TGM1: variants seen among roughly 807,000 people sequenced by gnomAD.
TGM1 encodes protein-glutamine gamma-glutamyltransferase K.
TGM1 carries 63 observed loss-of-function variants against 88.7 expected under a neutral mutation model. That is an observed-to-expected ratio of 0.71 (90% confidence interval 0.58 to 0.88). The LOEUF (loss-of-function observed/expected upper bound fraction) is 0.88. Ranked by LOEUF, TGM1 falls within the 40% of genes least tolerant of loss-of-function variation. The probability of loss-of-function intolerance (pLI) is 0.00; values close to 1 mark genes in which losing one functional copy is unlikely to be tolerated. For missense variants in TGM1, 996 were observed against 1,118.0 expected, an observed-to-expected ratio of 0.89 and a Z score of 1.56; for synonymous variants, 415 against 431.1, an observed-to-expected ratio of 0.96 and a Z score of 0.46.
chr14:24,262,590 C>G (rs900094813), intron 1 of TGM1, among the ~76,000 whole-genome samples: 24 of 152,166 alleles, frequency 1.6e-4, no homozygotes, highest in Admixed American at 1.6e-3. Flanking sequence ...AAACAACATC[C>G]GAAAAACTGC....
At chr14:24,258,930 A>G in intron 7 of TGM1, 145 bp downstream of exon 7, 1 of 968,926 alleles carries the variant, frequency 1.0e-6, no homozygotes, top group Non-Finnish European at 1.6e-6. Context: ...TGTTAACACT[A>G]ATTAATGATA....
chr14:24,255,288 C>A lies in TGM1; in HGVS notation c.1646-35G>T, dbSNP rs534139555. 86 of 1,614,162 alleles carry A rather than the reference C, an allele frequency of 5.3e-5. No homozygotes were observed. The South Asian group carries it at 9.2e-4, about 17-fold the overall frequency. On this transcript the variant is annotated intron_variant, in intron 11 of 14. Coordinates refer to ENST00000206765, the MANE Select transcript of TGM1 (RefSeq NM_000359.3). This position sits in a 1 kb window ranked among gnomAD's most constrained non-coding sequence, Gnocchi z 4.0. ...GAGGGTCAAGGGTGAGGTTCCAATTCCCACGTGGGTGGCCAAGCACTTGGC... is the reference window on the plus strand; with the variant it reads ...GAGGGTCAAGGGTGAGGTTCCAATTACCACGTGGGTGGCCAAGCACTTGGC...
At chr14:24,257,036 C>T (rs964551850) in intron 9 of TGM1, among the ~76,000 whole-genome samples, 2 of 152,216 alleles carry the variant, frequency 1.3e-5, no homozygotes, top group East Asian at 3.8e-4. Context: ...GGGATCAAGC[C>T]CCAGTCTGGC....
intron 4 of TGM1, 47 bp from the exon 5 acceptor site, chr14:24,260,105 T>C: frequency 3.9e-6 from 6 of 1,537,890 alleles, no homozygotes; most frequent in Non-Finnish European, 4.5e-6. Context: ...GTTCTCTCCC[T>C]GGGCCTCACC....
chr14:24,258,460 AG>A, intron 8 of TGM1, 72 bp from the exon 9 acceptor site: 1 of 869,308 alleles, frequency 1.2e-6, no homozygotes, highest in Non-Finnish European at 1.8e-6. Context: ...CAGCCTCCCC[AG>A]CCCTGCCCAC....
chr14:24,258,769 C>A, intron 7 of TGM1, 96 bp from the exon 8 acceptor site: 1 of 1,547,792 alleles, frequency 6.5e-7, no homozygotes, highest in African/African-American at 1.4e-5. Flanking sequence ...ACTAGGATTG[C>A]CAAGCTGGGC....
intron 14 of TGM1, among the ~76,000 whole-genome samples, chr14:24,253,534 G>A (rs2040718620): frequency 6.6e-6 from 1 of 152,182 alleles, no homozygotes; most frequent in Non-Finnish European, 1.5e-5. Context: ...CTGGAGTGCA[G>A]TGGCACAAAC....
At position 24,255,845 on chromosome 14, in the gene TGM1, G is replaced by A. The variant is rs2040746008; in HGVS notation, c.1491+144C>T. On this transcript the variant is annotated intron_variant, in intron 10 of 14. Coordinates refer to ENST00000206765, the MANE Select transcript of TGM1 (RefSeq NM_000359.3). The surrounding 1 kb of genome is among the most constrained non-coding windows in gnomAD (Gnocchi z 4.0). ...CGAGTATAGGAAGCAAGGCAGCCTT[G>A]ATTATCCCCTTTTACAGGTGAGGAA... The A allele has an allele frequency of 3.8e-6, 3 of 784,750 alleles. No homozygotes were observed. The highest frequency in any genetic ancestry group is 1.7e-5 in the African/African-American group (1 of 58,392). The allele number at this position is 784,750 out of a possible 1,614,324, so 48.6% of individuals were successfully genotyped here.
At chr14:24,253,446 C>CTG (rs368602780) in intron 14 of TGM1, among the ~76,000 whole-genome samples, 31 of 151,018 alleles carry the variant, frequency 2.1e-4, no homozygotes, top group South Asian at 1.7e-3. Context: ...GTGTGTGTCT[C>CTG]TGTGTGTGTG....
intron 14 of TGM1, among the ~76,000 whole-genome samples, chr14:24,249,984 G>A (rs764433452): frequency 1.1e-4 from 16 of 152,104 alleles, no homozygotes; most frequent in Non-Finnish European, 1.9e-4. Context: ...CAAGAGCATA[G>A]GTTGAAGAAA....
chr14:24,259,760 TC>T lies in TGM1; in HGVS notation c.927del (p.Met310CysfsTer20), dbSNP rs1442720229. On this transcript the variant is annotated frameshift_variant, in exon 6 of 15. Coordinates refer to ENST00000206765, the MANE Select transcript of TGM1 (RefSeq NM_000359.3). LOFTEE classifies it high-confidence loss of function. This position sits in a 1 kb window ranked among gnomAD's most constrained non-coding sequence, Gnocchi z 5.7. ...DACLYILDRR[G>X]MPYGGRGDPV... Reference sequence around the variant, plus strand: ...GGGTCTCCACGGCCTCCATATGGCATCCCCCGCCGGTCCAGGATGTATAAGC... The same window carrying T: ...GGGTCTCCACGGCCTCCATATGGCATCCCCGCCGGTCCAGGATGTATAAGC... 6.2e-7 allele frequency: 1 copy of T among 1,610,584 alleles called. No individual in the cohort carries two copies. The highest frequency in any genetic ancestry group is 8.5e-7 in the Non-Finnish European group (1 of 1,178,760).
rs1413403334 is a variant in TGM1 at position 24,262,123 on chromosome 14, G to A, written c.230C>T (p.Thr77Ile). 1 of 1,613,500 alleles carries A rather than the reference G, an allele frequency of 6.2e-7. No individual in the cohort carries two copies. Among genetic ancestry groups the A allele is most frequent in the African/African-American group, 1.3e-5 (1 of 74,918 alleles). ...TGAGCCCCGGGAGCCAGGTCTTCGA[G>A]TGCCAGAGCTGGACCCTCGACCCCT... is the stretch of plus-strand genomic sequence containing the variant. ...DSRGRGSSSG[T>I]RRPGSRGSDS... is the part of the protein sequence containing the mutation. The change falls in exon 2 of 15, where the codon ACT becomes ATT. Residue 77 changes from threonine to isoleucine, a missense_variant. By Grantham distance (89) the Thr-to-Ile change is moderately conservative (BLOSUM62 -1). Transcript: ENST00000206765.
In TGM1 at chr14:24,262,027, GC is replaced by G; in HGVS notation, c.319+6del. The G allele has an allele frequency of 6.2e-7, 1 of 1,613,262 alleles. No individual in the cohort carries two copies. Among genetic ancestry groups the G allele is most frequent in the Non-Finnish European group, 8.5e-7 (1 of 1,179,968 alleles). On this transcript the variant is annotated splice_donor_region_variant and intron_variant, in intron 2 of 14. Transcript: ENST00000206765. Reference sequence around the variant, plus strand: ...GCTCTCAGCTGAGGAGGACAGACCGGCCTCACCTCGGATGGTGCCATCTCCA... The same window carrying G: ...GCTCTCAGCTGAGGAGGACAGACCGGCTCACCTCGGATGGTGCCATCTCCA...
chr14:24,255,330 G>A lies in TGM1; in HGVS notation c.1645+34C>T, dbSNP rs370147719. 86 of 1,614,206 alleles carry A rather than the reference G, an allele frequency of 5.3e-5. 1 individual carries two copies. The African/African-American group carries it at 9.7e-4, about 18-fold the overall frequency. ...GCACTTGGCAGGAACACTTGTTGTG[G>A]GGCCCAGAGCTGGCTGGGTTGGGGG... On this transcript the variant is annotated intron_variant, in intron 11 of 14. Transcript: ENST00000206765. The surrounding 1 kb of genome is among the most constrained non-coding windows in gnomAD (Gnocchi z 4.0).
chr14:24,262,273 G>A lies in TGM1; in HGVS notation c.80C>T (p.Pro27Leu), dbSNP rs1008918554. 3.7e-6 allele frequency: 6 copies of A among 1,613,760 alleles called. No individual in the cohort carries two copies. Among genetic ancestry groups the A allele is most frequent in the Non-Finnish European group, 5.1e-6 (6 of 1,180,016 alleles). ...AGAGCGTCCGTCTGGCTCTGGCTCTGGCTCTGGAGATGGCGTGGTAGGGGG... is the reference window on the plus strand; with the variant it reads ...AGAGCGTCCGTCTGGCTCTGGCTCTAGCTCTGGAGATGGCGTGGTAGGGGG... ...LQPPTTPSPE[P>L]EPEPDGRSRR... is the part of the protein sequence containing the mutation. Residue 27 changes from proline to leucine, a missense_variant, in exon 2 of 15, where the codon CCA becomes CTA. Coordinates refer to ENST00000206765, the MANE Select transcript of TGM1 (RefSeq NM_000359.3).
rs949466173 is a variant in TGM1 at position 24,260,342 on chromosome 14, G to C, written c.757+108C>G. 9 of 1,533,134 alleles carry C rather than the reference G, an allele frequency of 5.9e-6. No individual in the cohort carries two copies. In the Admixed American group the frequency reaches 1.7e-4, roughly 29 times the overall value. 95.0% of individuals were successfully genotyped at this position (1,533,134 alleles called of 1,614,324 possible). A position where few individuals can be genotyped will look rare whatever the true frequency, so the allele number is the denominator to read the frequency against. ...CTCTCATCTGCCCAATGGGAGGCTGGCTTCTCCTGGGGTCAGGCACCTAGG... is the reference window on the plus strand; with the variant it reads ...CTCTCATCTGCCCAATGGGAGGCTGCCTTCTCCTGGGGTCAGGCACCTAGG... On this transcript the variant is annotated intron_variant, in intron 4 of 14. Transcript: ENST00000206765.
Position 24,262,257 on chromosome 14 carries a change from G to GTCTGGC in TGM1, c.90_95dup (p.Glu30_Pro31dup), listed in dbSNP as rs762513810. The GTCTGGC allele has an allele frequency of 3.0e-4, 483 of 1,613,774 alleles. 5 individuals carry two copies. The South Asian group carries it at 3.4e-3, about 11-fold the overall frequency. On this transcript the variant is annotated inframe_insertion, in exon 2 of 15. Transcript: ENST00000206765. ...GGCCTCCTCCTCTGCGAGAGCGTCC[G>GTCTGGC]TCTGGCTCTGGCTCTGGCTCTGGAG...
rs772044077 is a variant in TGM1, at chr14:24,254,193, G to C, written c.2184C>G (p.Leu728=). The C allele has an allele frequency of 1.2e-6, 2 of 1,613,554 alleles. No individual in the cohort carries two copies. Among genetic ancestry groups the C allele is most frequent in the Non-Finnish European group, 1.7e-6 (2 of 1,179,856 alleles). Residue 728 remains leucine (L), a synonymous_variant, in exon 14 of 15, where the codon CTC becomes CTG. Transcript: ENST00000206765. ...PVTLTNVVFR[L]EGSGLQRPKI... is the part of the protein sequence containing the mutation. Reference sequence around the variant, plus strand: ...TGGGCCTCTGTAACCCAGAGCCTTCGAGCCGGAAGACGACATTGGTGAGGG... The same window carrying C: ...TGGGCCTCTGTAACCCAGAGCCTTCCAGCCGGAAGACGACATTGGTGAGGG...
chr14:24,250,056 A>G (rs1313098833), intron 14 of TGM1, among the ~76,000 whole-genome samples: 1 of 152,074 alleles, frequency 6.6e-6, no homozygotes, highest in East Asian at 1.9e-4. Context: ...ACACACCAAA[A>G]CATTAGAAGG....
Sources: gnomAD v4.1 joint callset for allele counts (sites outside exome capture counted in the v4.1 genomes callset) on GRCh38, gnomAD v4.1.1 for gene constraint, Gnocchi (gnomAD v3.1) non-coding constraint, MANE v1.5 for transcripts, NCBI Gene and HGNC (gene_info 2026-07-23, HGNC 2026-07-21) for gene names.